EED: variants seen among roughly 807,000 people sequenced by gnomAD.
The protein encoded by EED is polycomb protein EED.
A neutral mutation model predicts 61.0 loss-of-function variants in EED; 9 were observed. That is an observed-to-expected ratio of 0.15 (90% CI 0.09 to 0.26). The LOEUF is 0.26. EED is among the 10% of genes least tolerant of loss of function. The probability of loss-of-function intolerance (pLI) is 1.00; values close to 1 mark genes in which losing one functional copy is unlikely to be tolerated. For synonymous variants in EED, 187 were observed against 174.4 expected, an observed-to-expected ratio of 1.07 and a Z score of -0.57; for missense variants, 315 against 542.3, an observed-to-expected ratio of 0.58 and a Z score of 4.16.
chr11:86,248,460 A>G (rs1945444095), intron 1 of EED, among the ~76,000 whole-genome samples: 1 of 152,240 alleles, frequency 6.6e-6, no homozygotes, highest in Non-Finnish European at 1.5e-5. Flanking sequence ...TCAGTTCTCT[A>G]GTGTTAAAAG....
chr11:86,277,992 G>GT lies in EED; in HGVS notation c.1199+2dup. The GT allele has an allele frequency of 6.5e-7, 1 of 1,529,388 alleles. No individual in the cohort carries two copies. The highest frequency in any genetic ancestry group is 8.7e-7 in the Non-Finnish European group (1 of 1,147,632). 94.7% of individuals were successfully genotyped at this position (1,529,388 alleles called of 1,614,324 possible). ...AAGTAGAAGATCCTCATAAAGCCAA[G>GT]TAAGTATTTAGAAATTTCTGTTCAA... On this transcript the variant is annotated splice_donor_variant, in intron 11 of 11. Transcript: ENST00000263360. LOFTEE classifies it high-confidence loss of function.
At chr11:86,246,881 A>G (rs1945404764) in intron 1 of EED, among the ~76,000 whole-genome samples, 2 of 152,190 alleles carry the variant, frequency 1.3e-5, no homozygotes, top group African/African-American at 4.8e-5. Context: ...GGTGTATGGT[A>G]TTTACCTCAT....
At chr11:86,245,902 G>A (rs1945380038) in intron 1 of EED, among the ~76,000 whole-genome samples, 1 of 152,186 alleles carries the variant, frequency 6.6e-6, no homozygotes, top group African/African-American at 2.4e-5. Flanking sequence ...TGTAGGAGGA[G>A]CCGAATTGAG....
chr11:86,285,748 C>G, the EED span, among the ~76,000 whole-genome samples: 1 of 151,958 alleles, frequency 6.6e-6, no homozygotes, highest in Non-Finnish European at 1.5e-5. Flanking sequence ...CAGGCGTGCG[C>G]CACCAAGCCC....
chr11:86,275,346 C>G lies in EED; in HGVS notation c.967-1634C>G, dbSNP rs538507570. On this transcript the variant is annotated intron_variant, in intron 9 of 11. Transcript: ENST00000263360. ...GAACTTAGATCTCTGGAAAGGATTT[C>G]TGAATTTTAGGTGGTAGGCTGAACT... Among the ~76,000 whole-genome samples, 3 of 152,264 alleles carry G rather than the reference C, an allele frequency of 2.0e-5. No homozygotes were observed. The South Asian group carries it at 6.2e-4, about 32-fold the overall frequency.
chr11:86,258,747 G>A (rs1468459590), intron 6 of EED, among the ~76,000 whole-genome samples: 2 of 151,260 alleles, frequency 1.3e-5, no homozygotes, highest in Non-Finnish European at 2.9e-5. Flanking sequence ...GTAGAGATAC[G>A]GTTTCTCCAC....
At position 86,245,175 on chromosome 11, in the gene EED, G is replaced by A; in HGVS notation, c.-55G>A. ...GCTCGGGCCGGGCTTGCTTGACGGC[G>A]GTGTGGCGGAGGCCCCGCCCCAGGC... is the stretch of plus-strand genomic sequence containing the variant. On this transcript the variant is annotated 5_prime_UTR_variant, in exon 1 of 12. Transcript: ENST00000263360. 1.4e-6 allele frequency: 2 copies of A among 1,452,462 alleles called. No homozygotes were observed. Among genetic ancestry groups the A allele is most frequent in the Non-Finnish European group, 1.9e-6 (2 of 1,047,448 alleles). 90.0% of individuals were successfully genotyped at this position (1,452,462 alleles called of 1,614,324 possible).
At chr11:86,283,274 TAAAA>T (rs942206922), downstream of EED, among the ~76,000 whole-genome samples, 1 of 151,932 alleles carries the variant, frequency 6.6e-6, no homozygotes, top group African/African-American at 2.4e-5. Context: ...CAATAAAAAA[TAAAA>T]AAATAAATAA....
chr11:86,254,783 C>T (rs564227351), intron 3 of EED, among the ~76,000 whole-genome samples: 11 of 152,082 alleles, frequency 7.2e-5, no homozygotes, highest in South Asian at 2.1e-4. Context: ...CCACCACGCT[C>T]AGCTAATTTT....
In EED at chr11:86,244,996, A is replaced by G. The variant is rs1945347268; in HGVS notation, c.-234A>G. ...GGCAAGACGGGAGTTGGGGAAGGGA[A>G]GGAGCCAGGAAGCCGCGCGGGAGGG... On this transcript the variant is annotated 5_prime_UTR_variant, in exon 1 of 12. Coordinates refer to ENST00000263360, the MANE Select transcript of EED (RefSeq NM_003797.5). 1 of 416,412 alleles carries G rather than the reference A, an allele frequency of 2.4e-6. No individual in the cohort carries two copies. Among genetic ancestry groups the G allele is most frequent in the African/African-American group, 2.1e-5 (1 of 47,222 alleles). 25.8% of individuals were successfully genotyped at this position (416,412 alleles called of 1,614,324 possible).
Position 86,278,637 on chromosome 11 carries a change from A to C in EED, c.*112A>C. The C allele has an allele frequency of 7.2e-7, 1 of 1,391,122 alleles. No individual in the cohort carries two copies. Among genetic ancestry groups the C allele is most frequent in the South Asian group, 1.4e-5 (1 of 70,002 alleles). The allele number at this position is 1,391,122 out of a possible 1,614,324, so 86.2% of individuals were successfully genotyped here. On this transcript the variant is annotated 3_prime_UTR_variant, in exon 12 of 12. Transcript: ENST00000263360. ...CATTTAGAGTTGTCTTTCAGCATTC[A>C]ATCAGGCTGAGCTGAATGTAGTGAT...
intron 2 of EED, among the ~76,000 whole-genome samples, chr11:86,251,302 T>C (rs576966065): frequency 3.3e-5 from 5 of 152,296 alleles, no homozygotes; most frequent in African/African-American, 1.2e-4. Flanking sequence ...TTTTTAAAAG[T>C]CAATTATAGT....
At chr11:86,282,354 T>C (rs1206867499), downstream of EED, among the ~76,000 whole-genome samples, 3 of 152,250 alleles carry the variant, frequency 2.0e-5, no homozygotes, top group Non-Finnish European at 4.4e-5. Flanking sequence ...TGTCTGAATA[T>C]ATTGTTTATA....
intron 5 of EED, among the ~76,000 whole-genome samples, chr11:86,256,923 A>G (rs752739489): frequency 7.2e-5 from 11 of 152,010 alleles, no homozygotes; most frequent in Non-Finnish European, 1.3e-4. Flanking sequence ...CACTTTCATC[A>G]CCTGTTTTTA....
In EED at chr11:86,251,867, G is replaced by A. The variant is rs72963960; in HGVS notation, c.268-281G>A. ...ATTCAGAATATGATTGGCTTATTAA[G>A]AAAAAGGCAAATATTATAAGTGTTT... On this transcript the variant is annotated intron_variant, in intron 2 of 11. Coordinates refer to ENST00000263360, the MANE Select transcript of EED (RefSeq NM_003797.5). 8.6e-3 allele frequency among the ~76,000 whole-genome samples: 1,311 copies of A among 152,246 alleles called. 12 individuals are homozygous for A. Among genetic ancestry groups the A allele is most frequent in the Non-Finnish European group, 0.014 (961 of 67,994 alleles).
chr11:86,269,020 T>A (rs901655568), intron 9 of EED, among the ~76,000 whole-genome samples: 1 of 152,184 alleles, frequency 6.6e-6, no homozygotes, highest in Admixed American at 6.5e-5. Context: ...CAACTTATGA[T>A]GGGATTACAT....
downstream of EED, among the ~76,000 whole-genome samples, chr11:86,281,108 A>G (rs1189350316): frequency 6.6e-6 from 1 of 152,204 alleles, no homozygotes; most frequent in Non-Finnish European, 1.5e-5. Flanking sequence ...TACGTTCATC[A>G]GGGATATTGT....
downstream of EED, among the ~76,000 whole-genome samples, chr11:86,280,841 TC>T (rs1452637388): frequency 6.6e-6 from 1 of 152,224 alleles, no homozygotes; most frequent in African/African-American, 2.4e-5. Flanking sequence ...GAACATTCAT[TC>T]CTTCTATACC....
At chr11:86,264,109 C>T in intron 6 of EED, 63 bp from the exon 7 acceptor site, 9 of 1,317,682 alleles carry the variant, frequency 6.8e-6, no homozygotes, top group Non-Finnish European at 9.8e-6. Flanking sequence ...TTTTCTTTCA[C>T]AAGATGTTGA....
Sources: allele counts gnomAD v4.1 joint callset (sites outside exome capture counted in the v4.1 genomes callset), GRCh38; gene constraint gnomAD v4.1.1; transcripts MANE v1.5; gene names NCBI Gene and HGNC (gene_info 2026-07-23, HGNC 2026-07-21).